The following KIRREL3 variants were observed in gnomAD, a reference collection of about 807,000 sequenced individuals.
KIRREL3 encodes the protein kirre like nephrin family adhesion molecule 3.
KIRREL3 carries 36 observed loss-of-function variants against 89.7 expected under a neutral mutation model. The observed-to-expected ratio is 0.40, with a 90% CI of 0.31 to 0.53. The LOEUF is 0.53. KIRREL3 is among the 20% of genes least tolerant of loss of function. The pLI, the probability that KIRREL3 is intolerant of heterozygous loss-of-function variation, is 0.49. For missense variants in KIRREL3, 864 were observed against 1,056.6 expected (o/e 0.82, Z 2.53); for synonymous variants, 445 against 441.4 (o/e 1.01, Z -0.10).
rs76266379 is a variant in KIRREL3 at position 126,804,090 on chromosome 11, G to A, written c.55+196365C>T. On this transcript the variant is annotated intron_variant, in intron 1 of 16. Transcript: ENST00000525144. ...TTTGCTTGGGAATACATGTGTGTGTGTTTCAGACACTCTGGCTGTATTTCA... is the reference window on the plus strand; with the variant it reads ...TTTGCTTGGGAATACATGTGTGTGTATTTCAGACACTCTGGCTGTATTTCA... Among the ~76,000 whole-genome samples, 1,062 of 152,304 alleles carry A rather than the reference G, an allele frequency of 7.0e-3. 12 individuals carry two copies. Among genetic ancestry groups the A allele is most frequent in the African/African-American group, 0.023 (972 of 41,576 alleles).
Position 126,764,818 on chromosome 11 carries a change from T to C in KIRREL3, c.56-201906A>G, listed in dbSNP as rs1435494838. ...TATTTTCACAGTCCAACTTCAGAAC[T>C]CAGAGGGGCAGCTCTCCTTTGGACT... On this transcript the variant is annotated intron_variant, in intron 1 of 16. Transcript: ENST00000525144. This position sits in a 1 kb window ranked among gnomAD's most constrained non-coding sequence, Gnocchi z 4.2. Among the ~76,000 whole-genome samples, 1 of 152,178 alleles carries C rather than the reference T, an allele frequency of 6.6e-6. No individual in the cohort carries two copies. Among genetic ancestry groups the C allele is most frequent in the Non-Finnish European group, 1.5e-5 (1 of 68,034 alleles).
chr11:126,861,956 A>T (rs9888281), intron 1 of KIRREL3, among the ~76,000 whole-genome samples: 2 of 152,090 alleles, frequency 1.3e-5, no homozygotes, highest in Admixed American at 6.5e-5. Flanking sequence ...AGACCAGTTG[A>T]GTGCACATGA....
intron 1 of KIRREL3, among the ~76,000 whole-genome samples, chr11:126,930,303 G>T (rs1420756293): frequency 1.3e-5 from 2 of 152,114 alleles, no homozygotes; most frequent in Non-Finnish European, 2.9e-5. Context: ...GTTCATGAAT[G>T]AACCTCATTG....
At chr11:126,893,251 C>T (rs905805010) in intron 1 of KIRREL3, among the ~76,000 whole-genome samples, 1 of 152,154 alleles carries the variant, frequency 6.6e-6, no homozygotes, top group Non-Finnish European at 1.5e-5. Flanking sequence ...ATGTCTGATG[C>T]CCCGGAACGT....
chr11:126,960,595 T>A (rs1305855210), intron 1 of KIRREL3, among the ~76,000 whole-genome samples: 1 of 152,206 alleles, frequency 6.6e-6, no homozygotes, highest in Admixed American at 6.5e-5. Flanking sequence ...AGTTGGCTGA[T>A]GGGTAGAGAG....
chr11:126,483,690 C>G (rs2134315521), intron 4 of KIRREL3, among the ~76,000 whole-genome samples: 1 of 152,360 alleles, frequency 6.6e-6, no homozygotes, highest in East Asian at 1.9e-4. Flanking sequence ...GAGGTCTCAT[C>G]TCTGCAGCTT....
In KIRREL3 at chr11:126,551,149, C is replaced by T. The variant is rs1028398887; in HGVS notation, c.133+11686G>A. Reference sequence around the variant, plus strand: ...TGGGGGGAAGGGGCAGGAGCTTCCACGCCCTCCCTGAGTGCGCCACCCTCC... The same window carrying T: ...TGGGGGGAAGGGGCAGGAGCTTCCATGCCCTCCCTGAGTGCGCCACCCTCC... On this transcript the variant is annotated intron_variant, in intron 2 of 16. Transcript: ENST00000525144. The surrounding 1 kb of genome is among the most constrained non-coding windows in gnomAD (Gnocchi z 4.9). 5.3e-5 allele frequency among the ~76,000 whole-genome samples: 8 copies of T among 152,208 alleles called. No individual in the cohort carries two copies. The highest frequency in any genetic ancestry group is 2.0e-4 in the Admixed American group (3 of 15,290).
chr11:126,480,333 A>C (rs1957183482), intron 4 of KIRREL3, among the ~76,000 whole-genome samples: 1 of 152,218 alleles, frequency 6.6e-6, no homozygotes, highest in African/African-American at 2.4e-5. Context: ...GTAGGTTATT[A>C]TGTCTAATTT....
rs767283586 is a variant in KIRREL3, at chr11:126,782,575, G to A, written c.55+217880C>T. On this transcript the variant is annotated intron_variant, in intron 1 of 16. Coordinates refer to ENST00000525144, the MANE Select transcript of KIRREL3 (RefSeq NM_032531.4). The surrounding 1 kb of genome is among the most constrained non-coding windows in gnomAD (Gnocchi z 4.1). ...GTTTACAATTCTATATGCTGTACAT[G>A]TGCACTGAAACTGAACAGTTAAGTA... 7.2e-5 allele frequency among the ~76,000 whole-genome samples: 11 copies of A among 152,190 alleles called. No individual in the cohort carries two copies. Among genetic ancestry groups the A allele is most frequent in the Admixed American group, 2.0e-4 (3 of 15,288 alleles).
At chr11:126,592,310 T>C in intron 1 of KIRREL3, among the ~76,000 whole-genome samples, 1 of 152,230 alleles carries the variant, frequency 6.6e-6, no homozygotes, top group East Asian at 1.9e-4. Flanking sequence ...ATCCCTATAA[T>C]ACTATGTCTT....
At chr11:126,815,834 C>T (rs963322720) in intron 1 of KIRREL3, among the ~76,000 whole-genome samples, 3 of 152,222 alleles carry the variant, frequency 2.0e-5, no homozygotes, top group Middle Eastern at 6.8e-3. Flanking sequence ...TGTGCCCGGC[C>T]GAGCTATTAT....
At chr11:126,661,204 A>G (rs1945386262) in intron 1 of KIRREL3, among the ~76,000 whole-genome samples, 1 of 152,262 alleles carries the variant, frequency 6.6e-6, no homozygotes, top group Admixed American at 6.5e-5. Context: ...CCCAGATGGC[A>G]CAGACACTGT....
intron 1 of KIRREL3, among the ~76,000 whole-genome samples, chr11:126,933,681 A>G (rs747505442): frequency 1.3e-5 from 2 of 152,052 alleles, no homozygotes; most frequent in Non-Finnish European, 2.9e-5. Context: ...TAAGATATCA[A>G]TTCCATTTAC....
Position 126,867,603 on chromosome 11 carries a change from A to G in KIRREL3, c.55+132852T>C, listed in dbSNP as rs534910050. 5.3e-5 allele frequency among the ~76,000 whole-genome samples: 8 copies of G among 152,326 alleles called. No individual in the cohort carries two copies. In the East Asian group the frequency reaches 5.8e-4, roughly 11 times the overall value. On this transcript the variant is annotated intron_variant, in intron 1 of 16. Coordinates refer to ENST00000525144, the MANE Select transcript of KIRREL3 (RefSeq NM_032531.4). The surrounding 1 kb of genome is among the most constrained non-coding windows in gnomAD (Gnocchi z 4.7). ...TAGTATTAGTTAATAACATTAATAC[A>G]TTTCACCGAATGATTACCGAGTGCC...
intron 1 of KIRREL3, among the ~76,000 whole-genome samples, chr11:126,603,314 C>G (rs996767289): frequency 6.6e-6 from 1 of 152,198 alleles, no homozygotes; most frequent in Non-Finnish European, 1.5e-5. Context: ...CTCACAGCAA[C>G]TCGTTTGGGG....
intron 1 of KIRREL3, among the ~76,000 whole-genome samples, chr11:126,841,624 T>A (rs1641778072): frequency 6.6e-6 from 1 of 152,230 alleles, no homozygotes; most frequent in African/African-American, 2.4e-5. Context: ...CAGGACCAAG[T>A]TCCATAAGTA....
chr11:126,451,103 G>A (rs552994427), intron 7 of KIRREL3, among the ~76,000 whole-genome samples: 4 of 103,196 alleles, frequency 3.9e-5, no homozygotes, highest in East Asian at 4.5e-4. Flanking sequence ...GTGTCCATGT[G>A]CATGTGTGCA....
In KIRREL3 at chr11:126,686,668, C is replaced by T. The variant is rs977002896; in HGVS notation, c.56-123756G>A. 1.3e-5 allele frequency among the ~76,000 whole-genome samples: 2 copies of T among 152,116 alleles called. No individual in the cohort carries two copies. Among genetic ancestry groups the T allele is most frequent in the Non-Finnish European group, 2.9e-5 (2 of 68,022 alleles). The stretch of plus-strand genomic sequence containing the variant: ...GATCTTGGCTCACTGCAACCTCGGC[C>T]TCTCCAGTTCAAGCAGTTCTCCTGC... On this transcript the variant is annotated intron_variant, in intron 1 of 16. Transcript: ENST00000525144. This position sits in a 1 kb window ranked among gnomAD's most constrained non-coding sequence, Gnocchi z 4.7.
At chr11:126,937,074 A>T (rs1232764966) in intron 1 of KIRREL3, 1 of 152,114 alleles carries the variant, frequency 6.6e-6, no homozygotes, top group Non-Finnish European at 1.5e-5. Flanking sequence ...CTGTTGTTGT[A>T]TTTATCTAGG....
Sources: gnomAD v4.1 joint callset for allele counts (sites outside exome capture counted in the v4.1 genomes callset) on GRCh38, gnomAD v4.1.1 for gene constraint, Gnocchi (gnomAD v3.1) non-coding constraint, MANE v1.5 for transcripts, NCBI Gene and HGNC (gene_info 2026-07-23, HGNC 2026-07-21) for gene names.